Variants in CEP126 observed in about 807,000 individuals in gnomAD.
The protein encoded by CEP126 is centrosomal protein of 126 kDa.
In CEP126, 74 loss-of-function variants were observed where a neutral mutation model predicts 107.8. The ratio of observed to expected loss-of-function variants is 0.69; its 90% CI spans 0.57 to 0.83. CEP126 has a LOEUF of 0.83. Among genes scored for constraint, CEP126 ranks in the 40% least tolerant of loss-of-function variants. CEP126 has a pLI of 0.00. For synonymous variants in CEP126, 449 were observed against 446.0 expected (o/e 1.01, Z -0.08); for missense variants, 1,237 against 1,281.9 (o/e 0.96, Z 0.53).
intron 1 of CEP126, 48 bp downstream of exon 1, chr11:101,915,460 G>A: frequency 6.4e-7 from 1 of 1,570,472 alleles, no homozygotes; most frequent in Non-Finnish European, 8.7e-7. Flanking sequence ...TTGAAAACGG[G>A]GCCCATCTTT....
chr11:101,944,393 C>A lies in CEP126; in HGVS notation c.377C>A (p.Ser126Ter). 1 of 1,610,106 alleles carries A rather than the reference C, an allele frequency of 6.2e-7. No homozygotes were observed. Among genetic ancestry groups the A allele is most frequent in the Non-Finnish European group, 8.5e-7 (1 of 1,178,624 alleles). Residue 126 changes from serine (S) to a stop codon, truncating the protein, a stop_gained, in exon 3 of 11, where the codon TCA (serine) becomes TAA (stop). Transcript: ENST00000263468. LOFTEE classifies it high-confidence loss of function. The stretch of plus-strand genomic sequence containing the variant: ...TTCCAGCGTGCCCATGTTCCTCTTT[C>A]ACAGCGGAGGAAAGCAGGTGCCTTA... ...EKFQRAHVPL[S>*]QRRKAVSRKP...
intron 6 of CEP126, among the ~76,000 whole-genome samples, chr11:101,970,340 T>C (rs12794798): frequency 0.14 from 21,864 of 152,186 alleles, 2,076 homozygotes; most frequent in Middle Eastern, 0.23. Context: ...AAGAAACATA[T>C]TGCACAATAA....
At position 101,962,156 on chromosome 11, in the gene CEP126, C is replaced by T. The variant is rs1940983932; in HGVS notation, c.1121C>T (p.Pro374Leu). The T allele has an allele frequency of 6.2e-7, 1 of 1,613,276 alleles. No individual in the cohort carries two copies. The highest frequency in any genetic ancestry group is 2.2e-5 in the East Asian group (1 of 44,866). ...AATTCAGTACCCTTTGTATCTAGCC[C>T]ACCCATGTTTGTACTAGATAAAAAA... Reference protein sequence around the residue: ...ANNSVPFVSSPPMFVLDKKCE... With the variant: ...ANNSVPFVSSLPMFVLDKKCE... The change falls in exon 6 of 11, where the codon CCA (proline) becomes CTA (leucine). Residue 374 changes from proline (P) to leucine (L), a missense_variant. By Grantham distance (98) the Pro-to-Leu change is moderately conservative (BLOSUM62 -3). Coordinates refer to ENST00000263468, the MANE Select transcript of CEP126 (RefSeq NM_020802.4).
intron 9 of CEP126, among the ~76,000 whole-genome samples, chr11:101,989,476 C>T (rs927942862): frequency 6.6e-6 from 1 of 152,140 alleles, no homozygotes; most frequent in African/African-American, 2.4e-5. Context: ...ACCTATGGTT[C>T]AGAACCACAC....
intron 6 of CEP126, 45 bp from the exon 7 acceptor site, chr11:101,978,302 A>G (rs749000155): frequency 7.8e-7 from 1 of 1,287,972 alleles, no homozygotes. Context: ...TATATTGGCT[A>G]CTCAACTAGC....
chr11:101,950,685 ATGTGCAGTGCTACAG>A (rs1940799480), intron 4 of CEP126, among the ~76,000 whole-genome samples: 1 of 152,216 alleles, frequency 6.6e-6, no homozygotes, highest in Non-Finnish European at 1.5e-5. Context: ...GGTTTTAGGC[ATGTGCAGTGCTACAG>A]TGTTGTGAAA....
Position 101,997,630 on chromosome 11 carries a change from G to A in CEP126, c.3341G>A (p.Arg1114Lys), listed in dbSNP as rs779703573. Residue 1114 changes from arginine (R) to lysine (K), a missense_variant, in exon 11 of 11, where the codon AGA (arginine) becomes AAA (lysine). Physicochemically the swap from Arg to Lys is conservative, Grantham distance 26 (BLOSUM62 2). Coordinates refer to ENST00000263468, the MANE Select transcript of CEP126 (RefSeq NM_020802.4). ...EKREDRTSSC[R>K]DKR ...AGAGAAGATAGAACCAGCAGCTGCA[G>A]AGACAAGAGATAATTCCAGCAGAAT... The A allele has an allele frequency of 6.2e-7, 1 of 1,613,906 alleles. No homozygotes were observed. Among genetic ancestry groups the A allele is most frequent in the Non-Finnish European group, 8.5e-7 (1 of 1,179,872 alleles).
chr11:101,997,635 A>C lies in CEP126; in HGVS notation c.3346A>C (p.Lys1116Gln). The C allele has an allele frequency of 6.2e-7, 1 of 1,613,864 alleles. No homozygotes were observed. The highest frequency in any genetic ancestry group is 8.5e-7 in the Non-Finnish European group (1 of 1,179,816). The change falls in exon 11 of 11, where the codon AAG (lysine) becomes CAG (glutamine). Residue 1116 changes from lysine (K) to glutamine (Q), a missense_variant. By Grantham distance (53) the Lys-to-Gln change is moderately conservative. Transcript: ENST00000263468. ...REDRTSSCRD[K>Q]R ...AGATAGAACCAGCAGCTGCAGAGAC[A>C]AGAGATAATTCCAGCAGAATCCGTC...
chr11:101,983,024 T>TA (rs1242502482), intron 8 of CEP126, among the ~76,000 whole-genome samples: 2 of 152,172 alleles, frequency 1.3e-5, no homozygotes, highest in African/African-American at 4.8e-5. Context: ...CAAGGAGTAA[T>TA]AAAATGATAC....
At position 101,997,651 on chromosome 11, in the gene CEP126, A is replaced by G; in HGVS notation, c.*8A>G. ...TGCAGAGACAAGAGATAATTCCAGC[A>G]GAATCCGTCTAAGAAGACCTTTCAT... On this transcript the variant is annotated 3_prime_UTR_variant, in exon 11 of 11. Transcript: ENST00000263468. The G allele has an allele frequency of 6.2e-7, 1 of 1,613,980 alleles. No homozygotes were observed. Among genetic ancestry groups the G allele is most frequent in the Non-Finnish European group, 8.5e-7 (1 of 1,179,940 alleles).
intron 6 of CEP126, among the ~76,000 whole-genome samples, chr11:101,972,060 A>T (rs1941136085): frequency 6.6e-6 from 1 of 151,786 alleles, no homozygotes; most frequent in Non-Finnish European, 1.5e-5. Flanking sequence ...GTGAGCCAAG[A>T]ACATGCCACT....
intron 4 of CEP126, among the ~76,000 whole-genome samples, chr11:101,948,535 T>G (rs1047040531): frequency 3.3e-5 from 5 of 152,158 alleles, no homozygotes; most frequent in African/African-American, 4.8e-5. Flanking sequence ...TTTTCCTCAC[T>G]GAAAATCTCT....
intron 6 of CEP126, among the ~76,000 whole-genome samples, chr11:101,973,560 G>A (rs1431961461): frequency 1.3e-5 from 2 of 152,100 alleles, no homozygotes; most frequent in Non-Finnish European, 2.9e-5. Flanking sequence ...TGCATCCGGG[G>A]CTTAATACCT....
intron 2 of CEP126, among the ~76,000 whole-genome samples, chr11:101,925,230 C>T (rs1274365642): frequency 1.3e-5 from 2 of 152,136 alleles, no homozygotes; most frequent in Non-Finnish European, 2.9e-5. Context: ...AGTACATCCT[C>T]AAGTTACTTT....
Position 101,963,761 on chromosome 11 carries a change from A to G in CEP126, c.2726A>G (p.Gln909Arg), listed in dbSNP as rs377502568. The change falls in exon 6 of 11, where the codon CAA becomes CGA. Residue 909 changes from glutamine (Q) to arginine (R), a missense_variant. Physicochemically the swap from Gln to Arg is conservative, Grantham distance 43. Transcript: ENST00000263468. ...CAAGATGCGACATTATATTGCACCCAAAGAAGTCCTGTTTGTGAAGAAAGT... is the reference window on the plus strand; with the variant it reads ...CAAGATGCGACATTATATTGCACCCGAAGAAGTCCTGTTTGTGAAGAAAGT... ...ARQDATLYCT[Q>R]RSPVCEESYP... 6.2e-7 allele frequency: 1 copy of G among 1,614,012 alleles called. No individual in the cohort carries two copies. Among genetic ancestry groups the G allele is most frequent in the Non-Finnish European group, 8.5e-7 (1 of 1,180,022 alleles).
At chr11:101,953,793 C>G (rs1940845720) in intron 4 of CEP126, among the ~76,000 whole-genome samples, 2 of 152,004 alleles carry the variant, frequency 1.3e-5, no homozygotes, top group Admixed American at 6.6e-5. Context: ...TAATTTACTA[C>G]CATATTATAT....
chr11:101,922,751 G>A lies in CEP126; in HGVS notation c.239G>A (p.Arg80Gln), dbSNP rs530759459. 1.7e-5 allele frequency: 28 copies of A among 1,609,942 alleles called. No homozygotes were observed. The highest frequency in any genetic ancestry group is 1.3e-4 in the South Asian group (12 of 90,770). ...CGTAAATATTTTGTGGAGTCAAATC[G>A]GAGAAAAAAGTAAGTAATTGCACTT... ...RARKYFVESN[R>Q]RKKAFEEKRK... Residue 80 changes from arginine (R) to glutamine (Q), a missense_variant, in exon 2 of 11, where the codon CGG (arginine) becomes CAG (glutamine). Physicochemically the swap from Arg to Gln is conservative, Grantham distance 43. Transcript: ENST00000263468.
chr11:101,985,992 C>T (rs880475), intron 8 of CEP126, among the ~76,000 whole-genome samples: 46,035 of 97,926 alleles, frequency 0.47, 9,385 homozygotes, highest in East Asian at 0.89. Flanking sequence ...GAATTGATTT[C>T]TTTTTTTTTT....
intron 5 of CEP126, among the ~76,000 whole-genome samples, chr11:101,960,930 C>T (rs994917517): frequency 1.3e-5 from 2 of 151,774 alleles, no homozygotes; most frequent in African/African-American, 4.8e-5. Context: ...TGTGAGAAAA[C>T]AGAAATATTT....
Sources: gnomAD v4.1 joint callset for allele counts (sites outside exome capture counted in the v4.1 genomes callset) on GRCh38, gnomAD v4.1.1 for gene constraint, MANE v1.5 for transcripts, NCBI Gene and HGNC (gene_info 2026-07-23, HGNC 2026-07-21) for gene names.